Variants in PRDM16 observed in about 807,000 individuals in gnomAD.
PRDM16 encodes the protein PR/SET domain 16.
Under a neutral mutation model 110.6 loss-of-function variants are expected in PRDM16, and 23 were observed. The observed-to-expected ratio is 0.21, with a 90% confidence interval of 0.15 to 0.29. The LOEUF (loss-of-function observed/expected upper bound fraction) is 0.29. Ranked by LOEUF, PRDM16 falls within the 10% of genes least tolerant of loss-of-function variation. The pLI, the probability that PRDM16 is intolerant of heterozygous loss-of-function variation, is 1.00. For missense variants in PRDM16, 1,615 were observed against 1,794.3 expected (o/e 0.90, Z 1.81); for synonymous variants, 799 against 781.8 (o/e 1.02, Z -0.37).
At chr1:3,399,309 G>A (rs1182965441) in intron 5 of PRDM16, among the ~76,000 whole-genome samples, 2 of 152,198 alleles carry the variant, frequency 1.3e-5, no homozygotes, top group African/African-American at 4.8e-5. Context: ...TAATAAGATG[G>A]GAAACATTAT....
intron 3 of PRDM16, among the ~76,000 whole-genome samples, chr1:3,288,141 C>A (rs1481252173): frequency 6.6e-6 from 1 of 152,242 alleles, no homozygotes; most frequent in Admixed American, 6.5e-5. Context: ...ACAGAGTGCC[C>A]AAGGAGCCAG....
intron 2 of PRDM16, among the ~76,000 whole-genome samples, chr1:3,212,850 G>C (rs1261320906): frequency 1.3e-5 from 2 of 152,316 alleles, no homozygotes; most frequent in East Asian, 3.9e-4. Flanking sequence ...CTCAGCCTCA[G>C]ATTTTAAGTA....
At chr1:3,334,212 A>G (rs1446994952) in intron 3 of PRDM16, among the ~76,000 whole-genome samples, 1 of 152,200 alleles carries the variant, frequency 6.6e-6, no homozygotes, top group Non-Finnish European at 1.5e-5. Context: ...TTGAGCTTTC[A>G]GGAAAGAGGG....
chr1:3,256,401 C>T (rs966303139), intron 3 of PRDM16, among the ~76,000 whole-genome samples: 1 of 152,074 alleles, frequency 6.6e-6, no homozygotes. Context: ...CTGTGGACTT[C>T]GTTAATAATA....
chr1:3,114,288 T>C (rs1200174494), intron 1 of PRDM16, among the ~76,000 whole-genome samples: 1 of 110,674 alleles, frequency 9.0e-6, no homozygotes, highest in Non-Finnish European at 1.7e-5. Context: ...ACACACGCAG[T>C]GGAAACGCAC....
intron 2 of PRDM16, among the ~76,000 whole-genome samples, chr1:3,224,561 G>C (rs777515647): frequency 6.6e-6 from 1 of 152,140 alleles, no homozygotes; most frequent in East Asian, 1.9e-4. Flanking sequence ...TCGGGGCTTC[G>C]GCCAGTGCTT....
intron 3 of PRDM16, among the ~76,000 whole-genome samples, chr1:3,363,315 C>T (rs1642749772): frequency 6.6e-6 from 1 of 152,204 alleles, no homozygotes; most frequent in South Asian, 2.1e-4. Flanking sequence ...AACACAGCAG[C>T]GTCCCACATG....
chr1:3,114,247 TGCACACGCACGC>T (rs1557456258), intron 1 of PRDM16, among the ~76,000 whole-genome samples: 1 of 104,708 alleles, frequency 9.6e-6, no homozygotes, highest in Non-Finnish European at 1.8e-5. Flanking sequence ...AGTGTAAACA[TGCACACGCACGC>T]GCACACGTAC....
chr1:3,165,695 A>G (rs1362873169), intron 1 of PRDM16, among the ~76,000 whole-genome samples: 2 of 71,678 alleles, frequency 2.8e-5, no homozygotes, highest in African/African-American at 1.6e-4. Context: ...GCCCAGGGAC[A>G]GGGACTCACC....
intron 1 of PRDM16, among the ~76,000 whole-genome samples, chr1:3,181,028 A>G (rs79967918): frequency 7.3e-6 from 1 of 136,542 alleles, no homozygotes; most frequent in African/African-American, 2.7e-5. Context: ...ATGCGGTCTT[A>G]CACGCGGTCT....
chr1:3,180,015 C>G (rs1644131889), intron 1 of PRDM16, among the ~76,000 whole-genome samples: 1 of 152,130 alleles, frequency 6.6e-6, no homozygotes, highest in African/African-American at 2.4e-5. Context: ...TATCCCTGGA[C>G]TTTCCTGTCC....
chr1:3,383,668 C>T (rs530695126), intron 3 of PRDM16, among the ~76,000 whole-genome samples: 104 of 152,082 alleles, frequency 6.8e-4, no homozygotes, highest in Middle Eastern at 3.2e-3. Context: ...GCACCAGGCC[C>T]GAAATGGCTA....
At chr1:3,410,782 A>G (rs1343513786) in intron 8 of PRDM16, among the ~76,000 whole-genome samples, 3 of 152,184 alleles carry the variant, frequency 2.0e-5, no homozygotes, top group Non-Finnish European at 4.4e-5. Context: ...GCCCTGAGCC[A>G]GCTTGCCCTG....
rs1007437242 is a variant in PRDM16 at position 3,190,027 on chromosome 1, G to A, written c.387+3553G>A. On this transcript the variant is annotated intron_variant, in intron 2 of 16. Coordinates refer to ENST00000270722, the MANE Select transcript of PRDM16 (RefSeq NM_022114.4). The surrounding 1 kb of genome is among the most constrained non-coding windows in gnomAD (Gnocchi z 5.0). ...AGAGACACAGTGCCAGGCAACCCTC[G>A]GCTTTGGGATGACTGGGGAGGGTCA... Among the ~76,000 whole-genome samples, 1 of 152,150 alleles carries A rather than the reference G, an allele frequency of 6.6e-6. No homozygotes were observed. Among genetic ancestry groups the A allele is most frequent in the Non-Finnish European group, 1.5e-5 (1 of 68,026 alleles).
intron 5 of PRDM16, among the ~76,000 whole-genome samples, chr1:3,400,201 G>A (rs928566546): frequency 2.0e-5 from 3 of 152,234 alleles, no homozygotes; most frequent in Non-Finnish European, 4.4e-5. Context: ...CGAGCAACTC[G>A]GTGTTGCCCA....
intron 3 of PRDM16, among the ~76,000 whole-genome samples, chr1:3,282,025 C>A (rs533937144): frequency 2.0e-5 from 3 of 152,320 alleles, no homozygotes; most frequent in African/African-American, 7.2e-5. Context: ...CAGCCATGAA[C>A]CCTTCAGTCA....
At position 3,391,533 on chromosome 1, in the gene PRDM16, C is replaced by T. The variant is rs529423693; in HGVS notation, c.574-4958C>T. ...ACTCGTCATTTATATTTTTATAATC[C>T]AGATCCAAACCACACAACTAAGAAA... is the stretch of plus-strand genomic sequence containing the variant. On this transcript the variant is annotated intron_variant, in intron 4 of 16. Transcript: ENST00000270722. Among the ~76,000 whole-genome samples, 3 of 152,280 alleles carry T rather than the reference C, an allele frequency of 2.0e-5. No individual in the cohort carries two copies. The South Asian group carries it at 6.2e-4, about 32-fold the overall frequency.
chr1:3,336,598 C>G (rs4648479), intron 3 of PRDM16, among the ~76,000 whole-genome samples: 114,984 of 147,766 alleles, frequency 0.78, 44,551 homozygotes, highest in East Asian at 0.88. Flanking sequence ...GCATGCACAT[C>G]TGTGTTGGTG....
At chr1:3,077,779 A>G (rs568462701) in intron 1 of PRDM16, among the ~76,000 whole-genome samples, 1 of 152,308 alleles carries the variant, frequency 6.6e-6, no homozygotes, top group Non-Finnish European at 1.5e-5. Context: ...GTGGACCACC[A>G]GCACTGTATC....
Sources: gnomAD v4.1 joint callset for allele counts (sites outside exome capture counted in the v4.1 genomes callset) on GRCh38, gnomAD v4.1.1 for gene constraint, Gnocchi (gnomAD v3.1) non-coding constraint, MANE v1.5 for transcripts, NCBI Gene and HGNC (gene_info 2026-07-23, HGNC 2026-07-21) for gene names.